ARHGEF10L: variants seen among roughly 807,000 people sequenced by gnomAD.
ARHGEF10L encodes the protein rho guanine nucleotide exchange factor 10-like protein.
A neutral mutation model predicts 141.2 loss-of-function variants in ARHGEF10L; 69 were observed. The observed-to-expected ratio is 0.49, with a 90% CI of 0.40 to 0.60. The LOEUF is 0.60. Among genes scored for constraint, ARHGEF10L ranks in the 20% least tolerant of loss-of-function variants. The pLI, the probability that ARHGEF10L is intolerant of heterozygous loss-of-function variation, is 0.00. For missense variants in ARHGEF10L, 1,482 were observed against 1,734.3 expected (o/e 0.85, Z 2.58); for synonymous variants, 711 against 718.5 (o/e 0.99, Z 0.17).
chr1:17,569,147 C>T (rs1205047133), intron 1 of ARHGEF10L, among the ~76,000 whole-genome samples: 1 of 152,188 alleles, frequency 6.6e-6, no homozygotes, highest in Non-Finnish European at 1.5e-5. Context: ...GGTCAGGTAC[C>T]TGCCATTCGT....
chr1:17,665,819 G>A (rs113023086), intron 26 of ARHGEF10L, among the ~76,000 whole-genome samples: 2,314 of 152,318 alleles, frequency 0.015, 51 homozygotes, highest in Admixed American at 0.062. Context: ...GGCTCATGGG[G>A]TGATGGAGGC....
At position 17,607,679 on chromosome 1, in the gene ARHGEF10L, G is replaced by A; in HGVS notation, c.434-123G>A. On this transcript the variant is annotated intron_variant, in intron 6 of 28. Transcript: ENST00000361221. This position sits in a 1 kb window ranked among gnomAD's most constrained non-coding sequence, Gnocchi z 4.5. Reference sequence around the variant, plus strand: ...TTGAGGAGGTAGAGCTGGAGCCCCAGGGCCCCCATGTTCTCCCTGACCCCC... The same window carrying A: ...TTGAGGAGGTAGAGCTGGAGCCCCAAGGCCCCCATGTTCTCCCTGACCCCC... The A allele has an allele frequency of 1.0e-6, 1 of 968,024 alleles. No individual in the cohort carries two copies. The highest frequency in any genetic ancestry group is 1.4e-6 in the Non-Finnish European group (1 of 704,714). 60.0% of individuals were successfully genotyped at this position (968,024 alleles called of 1,614,324 possible).
At chr1:17,609,597 A>G (rs2059437779) in intron 7 of ARHGEF10L, among the ~76,000 whole-genome samples, 1 of 152,202 alleles carries the variant, frequency 6.6e-6, no homozygotes, top group Non-Finnish European at 1.5e-5. Flanking sequence ...ACAATTTTCA[A>G]AGCTAAACTA....
intron 27 of ARHGEF10L, among the ~76,000 whole-genome samples, chr1:17,690,246 G>A (rs1349090297): frequency 1.3e-5 from 2 of 152,174 alleles, no homozygotes; most frequent in African/African-American, 4.8e-5. Flanking sequence ...TGCTGGGTGG[G>A]GTACACCAGA....
chr1:17,572,873 G>A (rs2078061628), intron 1 of ARHGEF10L, among the ~76,000 whole-genome samples: 1 of 152,084 alleles, frequency 6.6e-6, no homozygotes, highest in African/African-American at 2.4e-5. Context: ...TTCCCCAAAG[G>A]TTGTACCTCA....
intron 6 of ARHGEF10L, among the ~76,000 whole-genome samples, chr1:17,604,157 T>C (rs2080961466): frequency 6.6e-6 from 1 of 152,010 alleles, no homozygotes; most frequent in Non-Finnish European, 1.5e-5. Context: ...TTTTCAATCA[T>C]GTAATGGCTT....
chr1:17,544,335 G>C (rs2076840518), intron 1 of ARHGEF10L, among the ~76,000 whole-genome samples: 1 of 151,664 alleles, frequency 6.6e-6, no homozygotes, highest in African/African-American at 2.4e-5. Flanking sequence ...TTGTTGCTCA[G>C]GCTGGAGTGC....
rs924486245 is a variant in ARHGEF10L at position 17,558,419 on chromosome 1, G to T, written c.-44+18469G>T. ...CTTCAAGGAACTCACAGTCTAGTGG[G>T]CTGTCAGAAAACTAAGCAAATGATT... On this transcript the variant is annotated intron_variant, in intron 1 of 28. Coordinates refer to ENST00000361221, the MANE Select transcript of ARHGEF10L (RefSeq NM_018125.4). The surrounding 1 kb of genome is among the most constrained non-coding windows in gnomAD (Gnocchi z 4.2). Among the ~76,000 whole-genome samples the T allele has an allele frequency of 6.6e-5, 10 of 152,256 alleles. 1 individual carries two copies.
At chr1:17,565,711 G>T (rs2077725604) in intron 1 of ARHGEF10L, among the ~76,000 whole-genome samples, 2 of 152,214 alleles carry the variant, frequency 1.3e-5, no homozygotes, top group African/African-American at 2.4e-5. Flanking sequence ...CAGGGCAGGA[G>T]GGTGCAGCTC....
chr1:17,635,804 T>C (rs2060964020), intron 18 of ARHGEF10L, among the ~76,000 whole-genome samples: 1 of 152,202 alleles, frequency 6.6e-6, no homozygotes, highest in Admixed American at 6.5e-5. Context: ...CTTGAATGCA[T>C]GCAGGATGCT....
chr1:17,688,605 G>A (rs34430730), intron 27 of ARHGEF10L, among the ~76,000 whole-genome samples: 21,698 of 152,258 alleles, frequency 0.14, 1,674 homozygotes, highest in Non-Finnish European at 0.16. Context: ...GAGAGCCAAA[G>A]GGCCCTCGGG....
At chr1:17,637,506 CT>C (rs71575853) in intron 18 of ARHGEF10L, among the ~76,000 whole-genome samples, 8 of 149,198 alleles carry the variant, frequency 5.4e-5, no homozygotes, top group South Asian at 2.1e-4. Flanking sequence ...GGAACTCTTT[CT>C]TTTTTTTTTG....
intron 4 of ARHGEF10L, among the ~76,000 whole-genome samples, chr1:17,596,305 G>A (rs2080093382): frequency 6.6e-6 from 1 of 152,260 alleles, no homozygotes; most frequent in Non-Finnish European, 1.5e-5. Context: ...TGGGCTGCGT[G>A]TTCTTCCCTT....
chr1:17,576,209 G>T (rs1310619365), intron 1 of ARHGEF10L, among the ~76,000 whole-genome samples: 2 of 152,280 alleles, frequency 1.3e-5, no homozygotes, highest in Admixed American at 6.5e-5. Flanking sequence ...TGGGACAGGG[G>T]CAGGCAGGAG....
chr1:17,525,510 A>C, the ARHGEF10L span, among the ~76,000 whole-genome samples: 1 of 152,002 alleles, frequency 6.6e-6, no homozygotes, highest in Non-Finnish European at 1.5e-5. Context: ...CATGGGTTCT[A>C]GTCTTGTTCC....
rs376105322 is a variant in ARHGEF10L, at chr1:17,632,898, C to T, written c.1730+432C>T. Among the ~76,000 whole-genome samples, 18 of 152,354 alleles carry T rather than the reference C, an allele frequency of 1.2e-4. No individual in the cohort carries two copies. In the East Asian group the frequency reaches 2.5e-3, roughly 21 times the overall value. ...CCCCCACAGACCGGAGCATCATCAT[C>T]GGCCCAGAGGAGCCTGGTTTGCTGG... On this transcript the variant is annotated intron_variant, in intron 16 of 28. Transcript: ENST00000361221.
chr1:17,527,668 G>T, the ARHGEF10L span, among the ~76,000 whole-genome samples: 2 of 151,578 alleles, frequency 1.3e-5, no homozygotes, highest in Non-Finnish European at 2.9e-5. Context: ...TCACCCCCAA[G>T]ACACTCCTTT....
At chr1:17,564,016 T>A (rs752384282) in intron 1 of ARHGEF10L, among the ~76,000 whole-genome samples, 1 of 152,176 alleles carries the variant, frequency 6.6e-6, no homozygotes, top group Non-Finnish European at 1.5e-5. Flanking sequence ...AGGAGCCAGG[T>A]TGGGAGAGAG....
rs1288046681 is a variant in ARHGEF10L, at chr1:17,619,585, T to C, written c.942+140T>C. ...GGGCTCTTGGCAGAGCCCAGCTGGA[T>C]AGGGGCCTCCTAGGTTCTCTCCTCA... On this transcript the variant is annotated intron_variant, in intron 10 of 28. Transcript: ENST00000361221. This position sits in a 1 kb window ranked among gnomAD's most constrained non-coding sequence, Gnocchi z 5.0. The C allele has an allele frequency of 4.6e-6, 3 of 655,468 alleles. No individual in the cohort carries two copies. The highest frequency in any genetic ancestry group is 2.9e-5 in the East Asian group (1 of 34,950). 40.6% of individuals were successfully genotyped at this position (655,468 alleles called of 1,614,324 possible).
Sources: gnomAD v4.1 joint callset for allele counts (sites outside exome capture counted in the v4.1 genomes callset) on GRCh38, gnomAD v4.1.1 for gene constraint, Gnocchi (gnomAD v3.1) non-coding constraint, MANE v1.5 for transcripts, NCBI Gene and HGNC (gene_info 2026-07-23, HGNC 2026-07-21) for gene names.